The following BRCA2 variants were observed in gnomAD, a reference collection of about 807,000 sequenced individuals.
BRCA2 encodes the protein BRCA2 DNA repair associated.
BRCA2 carries 203 observed loss-of-function variants against 276.7 expected under a neutral mutation model. The ratio of observed to expected loss-of-function variants is 0.73; its 90% CI spans 0.65 to 0.82. The LOEUF is 0.82. Among genes scored for constraint, BRCA2 ranks in the 40% least tolerant of loss-of-function variants. The probability of loss-of-function intolerance (pLI) is 0.00; values close to 1 mark genes in which losing one functional copy is unlikely to be tolerated. For missense variants in BRCA2, 3,920 were observed against 3,915.0 expected, an observed-to-expected ratio of 1.00 and a Z score of -0.03; for synonymous variants, 1,289 against 1,338.4, an observed-to-expected ratio of 0.96 and a Z score of 0.81.
At chr13:32,327,236 C>T (rs1365955725) in intron 7 of BRCA2, among the ~76,000 whole-genome samples, 1 of 152,088 alleles carries the variant, frequency 6.6e-6, no homozygotes, top group African/African-American at 2.4e-5. Context: ...TCACGTGAGG[C>T]CAGGAGTTTG....
intron 24 of BRCA2, among the ~76,000 whole-genome samples, chr13:32,382,823 A>C (rs1355165545): frequency 6.6e-6 from 1 of 152,202 alleles, no homozygotes; most frequent in East Asian, 1.9e-4. Flanking sequence ...ATGGAAGCAA[A>C]ACAGGAACAG....
chr13:32,326,340 G>A (rs545312299), intron 6 of BRCA2, 58 bp downstream of exon 6: 77 of 1,562,770 alleles, frequency 4.9e-5, no homozygotes, highest in Non-Finnish European at 6.3e-5. Context: ...TGACAATAGC[G>A]TTATACCTTT....
rs2137503755 is a variant in BRCA2, at chr13:32,338,538, G to GC, written c.4184dup (p.Gln1396SerfsTer7). On this transcript the variant is annotated frameshift_variant, in exon 11 of 27. Coordinates refer to ENST00000380152, the MANE Select transcript of BRCA2 (RefSeq NM_000059.4). LOFTEE classifies it high-confidence loss of function. ...TTTAACTTTTTTGGAAGTTGCGAAA[G>GC]CTCAAGAAGCATGTCATGGTAATAC... The GC allele has an allele frequency of 6.2e-7, 1 of 1,603,366 alleles. No homozygotes were observed. The highest frequency in any genetic ancestry group is 8.5e-7 in the Non-Finnish European group (1 of 1,176,310).
chr13:32,377,100 T>TAAATATCTTTG (rs1289669019), intron 21 of BRCA2, among the ~76,000 whole-genome samples: 1 of 152,228 alleles, frequency 6.6e-6, no homozygotes. Flanking sequence ...TTTTTATTTT[T>TAAATATCTTTG]AAGATAAAAC....
rs1160268714 is a variant in BRCA2 at position 32,316,411 on chromosome 13, C to T, written c.-39-11C>T. The T allele has an allele frequency of 1.3e-6, 2 of 1,538,084 alleles. No individual in the cohort carries two copies. The highest frequency in any genetic ancestry group is 3.3e-5 in the Admixed American group (2 of 59,864). The stretch of plus-strand genomic sequence containing the variant: ...CCCTGTGTAAGTGCATTTTGGTCTT[C>T]TGTTTTGCAGACTTATTTACCAAGC... On this transcript the variant is annotated splice_polypyrimidine_tract_variant and intron_variant, in intron 1 of 26. Transcript: ENST00000380152.
chr13:32,382,873 C>T (rs1402002075), intron 24 of BRCA2, among the ~76,000 whole-genome samples: 1 of 152,174 alleles, frequency 6.6e-6, no homozygotes, highest in African/African-American at 2.4e-5. Context: ...GGTATGGTAT[C>T]TAGAGGCTCT....
chr13:32,393,553 C>T (rs1415790407), intron 24 of BRCA2, among the ~76,000 whole-genome samples: 2 of 151,932 alleles, frequency 1.3e-5, no homozygotes, highest in Admixed American at 1.3e-4. Context: ...TTTTTGAACA[C>T]TTCCTTATTT....
Position 32,398,724 on chromosome 13 carries a change from G to A in BRCA2, c.10211G>A (p.Cys3404Tyr), listed in dbSNP as rs587782614. The A allele has an allele frequency of 1.9e-6, 3 of 1,613,792 alleles. No homozygotes were observed. The highest frequency in any genetic ancestry group is 1.7e-6 in the Non-Finnish European group (2 of 1,179,932). ...QESSQASTEE[C>Y]EKNKQDTITT... Reference sequence around the variant, plus strand: ...AGTTCCCAGGCCAGTACGGAAGAATGTGAGAAAAATAAGCAGGACACAATT... The same window carrying A: ...AGTTCCCAGGCCAGTACGGAAGAATATGAGAAAAATAAGCAGGACACAATT... The change falls in exon 27 of 27, where the codon TGT (cysteine) becomes TAT (tyrosine). Residue 3404 changes from cysteine (C) to tyrosine (Y), a missense_variant. Physicochemically the swap from Cys to Tyr is radical, Grantham distance 194. Coordinates refer to ENST00000380152, the MANE Select transcript of BRCA2 (RefSeq NM_000059.4).
chr13:32,379,663 TAA>T, intron 22 of BRCA2, 85 bp from the exon 23 acceptor site: 2 of 1,533,612 alleles, frequency 1.3e-6, no homozygotes, highest in Middle Eastern at 3.7e-4. Flanking sequence ...AGAGATAATA[TAA>T]AAGAGGATCT....
At chr13:32,315,849 T>C (rs1405466057) in intron 1 of BRCA2, among the ~76,000 whole-genome samples, 182 bp downstream of exon 1, 9 of 152,164 alleles carry the variant, frequency 5.9e-5, no homozygotes, top group Non-Finnish European at 8.8e-5. Context: ...CCAAGCAAAT[T>C]CGAGCCCCGC....
intron 7 of BRCA2, among the ~76,000 whole-genome samples, chr13:32,327,351 G>A (rs1299062993): frequency 1.3e-5 from 2 of 152,168 alleles, no homozygotes; most frequent in African/African-American, 4.8e-5. Flanking sequence ...GGGGGCTGAG[G>A]CATGGGAATT....
Position 32,340,756 on chromosome 13 carries a change from A to G in BRCA2, c.6401A>G (p.Asn2134Ser), listed in dbSNP as rs2072554340. The G allele has an allele frequency of 5.6e-6, 9 of 1,605,130 alleles. No homozygotes were observed. The South Asian group carries it at 7.9e-5, about 14-fold the overall frequency. ...KTCSKEFKLS[N>S]NLNVEGGSSE... is the part of the protein sequence containing the mutation. ...TGCAGTAAAGAATTTAAATTATCAAATAACTTAAATGTTGAAGGTGGTTCT... is the reference window on the plus strand; with the variant it reads ...TGCAGTAAAGAATTTAAATTATCAAGTAACTTAAATGTTGAAGGTGGTTCT... Residue 2134 changes from asparagine (N) to serine (S), a missense_variant, in exon 11 of 27, where the codon AAT becomes AGT. By Grantham distance (46) the Asn-to-Ser change is conservative (BLOSUM62 1). Coordinates refer to ENST00000380152, the MANE Select transcript of BRCA2 (RefSeq NM_000059.4).
rs1434431480 is a variant in BRCA2 at position 32,340,755 on chromosome 13, A to C, written c.6400A>C (p.Asn2134His). ...KTCSKEFKLSNNLNVEGGSSE... is the reference protein window; with the variant it reads ...KTCSKEFKLSHNLNVEGGSSE... ...CTGCAGTAAAGAATTTAAATTATCA[A>C]ATAACTTAAATGTTGAAGGTGGTTC... The change falls in exon 11 of 27, where the codon AAT becomes CAT. Residue 2134 changes from asparagine to histidine, a missense_variant. Coordinates refer to ENST00000380152, the MANE Select transcript of BRCA2 (RefSeq NM_000059.4). 1.2e-6 allele frequency: 2 copies of C among 1,604,540 alleles called. No homozygotes were observed. The highest frequency in any genetic ancestry group is 2.2e-5 in the South Asian group (2 of 88,902).
At position 32,335,723 on chromosome 13, in the gene BRCA2, T is replaced by C. The variant is rs150391946; in HGVS notation, c.1910-542T>C. Among the ~76,000 whole-genome samples the C allele has an allele frequency of 1.7e-3, 255 of 152,262 alleles. 1 individual carries two copies. The highest frequency in any genetic ancestry group is 6.0e-3 in the African/African-American group (251 of 41,554). The stretch of plus-strand genomic sequence containing the variant: ...ACCTAGATACTAATTTTGATTGAGT[T>C]GGTAACTATTATTAAAAAAACAACT... On this transcript the variant is annotated intron_variant, in intron 10 of 26. Transcript: ENST00000380152.
rs564812267 is a variant in BRCA2, at chr13:32,361,501, A to AG, written c.7806-1021dup. Among the ~76,000 whole-genome samples, 279 of 152,294 alleles carry AG rather than the reference A, an allele frequency of 1.8e-3. 1 individual carries two copies. The highest frequency in any genetic ancestry group is 0.014 in the Middle Eastern group (4 of 294). On this transcript the variant is annotated intron_variant, in intron 16 of 26. Transcript: ENST00000380152. ...TTGCTTGGAGAGGAAGTAGGATCAA[A>AG]GAGTCTTAGTTTTGGCTTGTTTTAA...
chr13:32,388,542 T>TC (rs2072976952), intron 24 of BRCA2, among the ~76,000 whole-genome samples: 1 of 151,880 alleles, frequency 6.6e-6, no homozygotes, highest in African/African-American at 2.4e-5. Flanking sequence ...CTTTTTTTTT[T>TC]AAAAACAGGC....
At position 32,326,283 on chromosome 13, in the gene BRCA2, G is replaced by T. The variant is rs397507762; in HGVS notation, c.516+1G>T. The stretch of plus-strand genomic sequence containing the variant: ...GTTTCATACACCAAAGTTTGTGAAG[G>T]TAAATATTCTACCTGGTTTATTTTT... On this transcript the variant is annotated splice_donor_variant, in intron 6 of 26. Transcript: ENST00000380152. LOFTEE classifies it high-confidence loss of function. 1.2e-6 allele frequency: 2 copies of T among 1,612,042 alleles called. No individual in the cohort carries two copies. The highest frequency in any genetic ancestry group is 1.7e-6 in the Non-Finnish European group (2 of 1,178,308).
At position 32,325,128 on chromosome 13, in the gene BRCA2, A is replaced by G. The variant is rs1566218165; in HGVS notation, c.369A>G (p.Lys123=). 6.2e-7 allele frequency: 1 copy of G among 1,610,322 alleles called. No homozygotes were observed. Among genetic ancestry groups the G allele is most frequent in the Non-Finnish European group, 8.5e-7 (1 of 1,176,676 alleles). The change falls in exon 4 of 27, where the codon AAA becomes AAG. Residue 123 remains lysine, a synonymous_variant. Transcript: ENST00000380152. ...AAAGTCTTCGCACAGTGAAAACTAA[A>G]ATGGATCAAGCAGATGATGTTTCCT... is the stretch of plus-strand genomic sequence containing the variant. ...RHKSLRTVKT[K]MDQADDVSCP...
chr13:32,344,493 A>T (rs2137536440), intron 11 of BRCA2, 65 bp from the exon 12 acceptor site: 1 of 1,099,452 alleles, frequency 9.1e-7, no homozygotes. Flanking sequence ...AATGGTCTAT[A>T]GACTTTTGAG....
Sources: gnomAD v4.1 joint callset for allele counts (sites outside exome capture counted in the v4.1 genomes callset) on GRCh38, gnomAD v4.1.1 for gene constraint, MANE v1.5 for transcripts, NCBI Gene and HGNC (gene_info 2026-07-23, HGNC 2026-07-21) for gene names.